Variants in TRIM3 observed in about 807,000 individuals in gnomAD.
TRIM3 encodes the protein tripartite motif-containing protein 3.
TRIM3 carries 13 observed loss-of-function variants against 66.6 expected under a neutral mutation model. The observed-to-expected ratio is 0.20, with a 90% CI of 0.13 to 0.31. TRIM3 has a LOEUF of 0.31. Among genes scored for constraint, TRIM3 ranks in the 10% least tolerant of loss-of-function variants. The probability of loss-of-function intolerance (pLI) is 1.00; values close to 1 mark genes in which losing one functional copy is unlikely to be tolerated. For synonymous variants in TRIM3, 406 were observed against 411.7 expected, an observed-to-expected ratio of 0.99 and a Z score of 0.17; for missense variants, 711 against 1,020.4, an observed-to-expected ratio of 0.70 and a Z score of 4.13.
rs959182811 is a variant in TRIM3, at chr11:6,453,918, G to A, written c.1533+2154C>T. On this transcript the variant is annotated intron_variant, in intron 7 of 11. Coordinates refer to ENST00000345851, the MANE Select transcript of TRIM3 (RefSeq NM_033278.4). ...GCCCATGCCAGCCCTAAGGACTCCA[G>A]AGTAAGAGAAGCAGAAATTCAACTT... is the stretch of plus-strand genomic sequence containing the variant. Among the ~76,000 whole-genome samples, 6 of 152,324 alleles carry A rather than the reference G, an allele frequency of 3.9e-5. 1 individual carries two copies. The highest frequency in any genetic ancestry group is 3.4e-3 in the Middle Eastern group (1 of 294).
chr11:6,457,126 G>A lies in TRIM3; in HGVS notation c.697-97C>T, dbSNP rs1850029404. Reference sequence around the variant, plus strand: ...AGCACTGTGGCATAAAATACAAGAGGGTGCCTGTGGACAGAGGACACAGAT... The same window carrying A: ...AGCACTGTGGCATAAAATACAAGAGAGTGCCTGTGGACAGAGGACACAGAT... On this transcript the variant is annotated intron_variant, in intron 5 of 11. Coordinates refer to ENST00000345851, the MANE Select transcript of TRIM3 (RefSeq NM_033278.4). The surrounding 1 kb of genome is among the most constrained non-coding windows in gnomAD (Gnocchi z 4.5). 1 of 1,527,758 alleles carries A rather than the reference G, an allele frequency of 6.5e-7. No homozygotes were observed. Among genetic ancestry groups the A allele is most frequent in the Admixed American group, 1.8e-5 (1 of 55,640 alleles). The allele number at this position is 1,527,758 out of a possible 1,614,324, so 94.6% of individuals were successfully genotyped here.
intron 1 of TRIM3, among the ~76,000 whole-genome samples, chr11:6,469,084 T>C (rs996645514): frequency 2.0e-5 from 3 of 152,136 alleles, no homozygotes; most frequent in African/African-American, 7.2e-5. Flanking sequence ...CAGGAAAACA[T>C]AGCAGGAGGG....
intron 7 of TRIM3, chr11:6,451,869 A>G: frequency 5.9e-6 from 1 of 170,466 alleles, no homozygotes. Flanking sequence ...AGAAGGAATT[A>G]TGTTTTATCC....
At position 6,458,574 on chromosome 11, in the gene TRIM3, C is replaced by T. The variant is rs546718494; in HGVS notation, c.132-278G>A. Among the ~76,000 whole-genome samples the T allele has an allele frequency of 1.1e-4, 16 of 152,182 alleles. No homozygotes were observed. The highest frequency in any genetic ancestry group is 2.0e-4 in the Admixed American group (3 of 15,276). On this transcript the variant is annotated intron_variant, in intron 2 of 11. Coordinates refer to ENST00000345851, the MANE Select transcript of TRIM3 (RefSeq NM_033278.4). The surrounding 1 kb of genome is among the most constrained non-coding windows in gnomAD (Gnocchi z 6.2). Reference sequence around the variant, plus strand: ...CACCTTTCACAGGTGTTTACAAATGCTTCTCATAGGAATGTGCAACTAGGC... The same window carrying T: ...CACCTTTCACAGGTGTTTACAAATGTTTCTCATAGGAATGTGCAACTAGGC...
chr11:6,472,739 T>A (rs1850738495), intron 1 of TRIM3, among the ~76,000 whole-genome samples: 1 of 152,124 alleles, frequency 6.6e-6, no homozygotes. Context: ...GACAAGTGAA[T>A]AAAGTCCCAA....
rs1482124041 is a variant in TRIM3, at chr11:6,457,640, G to C, written c.515+56C>G. ...AGACCCTTTATTCCCCTCCCCGCCCGAGCTAAGACACCATCCCTGTGGCCC... is the reference window on the plus strand; with the variant it reads ...AGACCCTTTATTCCCCTCCCCGCCCCAGCTAAGACACCATCCCTGTGGCCC... On this transcript the variant is annotated intron_variant, in intron 4 of 11. Coordinates refer to ENST00000345851, the MANE Select transcript of TRIM3 (RefSeq NM_033278.4). The surrounding 1 kb of genome is among the most constrained non-coding windows in gnomAD (Gnocchi z 4.5). The C allele has an allele frequency of 6.3e-7, 1 of 1,580,738 alleles. No homozygotes were observed. The highest frequency in any genetic ancestry group is 8.6e-7 in the Non-Finnish European group (1 of 1,160,194).
rs372693830 is a variant in TRIM3, at chr11:6,457,245, A to G, written c.696+51T>C. On this transcript the variant is annotated intron_variant, in intron 5 of 11. Transcript: ENST00000345851. The surrounding 1 kb of genome is among the most constrained non-coding windows in gnomAD (Gnocchi z 4.5). ...GGAAGACAGAGGAACAATGGAGGCAATAACACCATCACAATGGACGATGGT... is the reference window on the plus strand; with the variant it reads ...GGAAGACAGAGGAACAATGGAGGCAGTAACACCATCACAATGGACGATGGT... 5.6e-6 allele frequency: 9 copies of G among 1,597,332 alleles called. No homozygotes were observed. The highest frequency in any genetic ancestry group is 2.2e-5 in the East Asian group (1 of 44,722).
chr11:6,455,443 A>G (rs960762862), intron 7 of TRIM3, among the ~76,000 whole-genome samples: 2 of 152,160 alleles, frequency 1.3e-5, no homozygotes, highest in African/African-American at 4.8e-5. Flanking sequence ...AGAGGGAAAA[A>G]AAGGCACATT....
In TRIM3 at chr11:6,456,476, C is replaced by A; in HGVS notation, c.1250G>T (p.Arg417Leu). The change falls in exon 6 of 12, where the codon CGT becomes CTT. Residue 417 changes from arginine to leucine, a missense_variant. Transcript: ENST00000345851. This position sits in a 1 kb window ranked among gnomAD's most constrained non-coding sequence, Gnocchi z 6.4. Reference protein sequence around the residue: ...QPVRGSPFRVRALRPGDLPPS... With the variant: ...QPVRGSPFRVLALRPGDLPPS... ...TGGCAGGTCCCCCGGACGCAGGGCA[C>A]GCACGCGGAAGGGGCTGCCGCGCAC... 6.4e-7 allele frequency: 1 copy of A among 1,551,556 alleles called. No homozygotes were observed. The highest frequency in any genetic ancestry group is 1.2e-5 in the South Asian group (1 of 83,242).
chr11:6,467,276 A>G (rs141337426), intron 1 of TRIM3, among the ~76,000 whole-genome samples: 25 of 152,320 alleles, frequency 1.6e-4, no homozygotes, highest in African/African-American at 5.5e-4. Context: ...GGTATGGGTG[A>G]GGGTGAGAAA....
Position 6,450,376 on chromosome 11 carries a change from A to T in TRIM3, c.1941+175T>A. 1.6e-6 allele frequency: 1 copy of T among 622,736 alleles called. No individual in the cohort carries two copies. The highest frequency in any genetic ancestry group is 2.9e-6 in the Non-Finnish European group (1 of 348,828). 38.6% of individuals were successfully genotyped at this position (622,736 alleles called of 1,614,324 possible). On this transcript the variant is annotated intron_variant, in intron 10 of 11. Transcript: ENST00000345851. This position sits in a 1 kb window ranked among gnomAD's most constrained non-coding sequence, Gnocchi z 4.8. ...ATACATTTGCTTTGTGCATCACTGT[A>T]TCTCCAGCTTCTAGCATACTGCCTG...
chr11:6,471,090 T>C (rs1589841394), intron 1 of TRIM3, among the ~76,000 whole-genome samples: 1 of 152,196 alleles, frequency 6.6e-6, no homozygotes, highest in South Asian at 2.1e-4. Context: ...CTGACTCCAC[T>C]AGATCCTGGA....
At chr11:6,455,593 C>A (rs547644815) in intron 7 of TRIM3, among the ~76,000 whole-genome samples, 2 of 152,188 alleles carry the variant, frequency 1.3e-5, no homozygotes, top group South Asian at 4.2e-4. Flanking sequence ...TGAAAGATAC[C>A]CCCTTTGGCC....
At chr11:6,453,590 G>C (rs1005279831) in intron 7 of TRIM3, among the ~76,000 whole-genome samples, 1 of 152,244 alleles carries the variant, frequency 6.6e-6, no homozygotes, top group Non-Finnish European at 1.5e-5. Context: ...GCAAAAGGCT[G>C]AGGGAACTGA....
chr11:6,450,303 G>T lies in TRIM3; in HGVS notation c.1941+248C>A. ...CTATTACATCATATTGTAATTTTTT[G>T]GTTACCTTTTTCTCTTCCCTACTAG... On this transcript the variant is annotated intron_variant, in intron 10 of 11. Transcript: ENST00000345851. The surrounding 1 kb of genome is among the most constrained non-coding windows in gnomAD (Gnocchi z 4.8). The T allele has an allele frequency of 1.9e-6, 1 of 531,952 alleles. No individual in the cohort carries two copies. The highest frequency in any genetic ancestry group is 3.3e-6 in the Non-Finnish European group (1 of 298,634). The allele number at this position is 531,952 out of a possible 1,614,324, so 33.0% of individuals were successfully genotyped here.
At position 6,458,239 on chromosome 11, in the gene TRIM3, C is replaced by T. The variant is rs770797841; in HGVS notation, c.189G>A (p.Arg63=). ...QSLTLSCPVC[R]QTSILPEQGV... ...CCTGCTCTGGGAGGATGGACGTCTGCCGGCATACTGGACAGGATAGCGTCA... is the reference window on the plus strand; with the variant it reads ...CCTGCTCTGGGAGGATGGACGTCTGTCGGCATACTGGACAGGATAGCGTCA... Residue 63 remains arginine (R), a synonymous_variant, in exon 3 of 12, where the codon CGG becomes CGA. Coordinates refer to ENST00000345851, the MANE Select transcript of TRIM3 (RefSeq NM_033278.4). The surrounding 1 kb of genome is among the most constrained non-coding windows in gnomAD (Gnocchi z 6.2). 1.2e-6 allele frequency: 2 copies of T among 1,614,192 alleles called. No homozygotes were observed. The highest frequency in any genetic ancestry group is 3.3e-5 in the Admixed American group (2 of 60,028).
In TRIM3 at chr11:6,458,255, G is replaced by C. The variant is rs1446763642; in HGVS notation, c.173C>G (p.Ser58Cys). 3.1e-6 allele frequency: 5 copies of C among 1,614,188 alleles called. No homozygotes were observed. The highest frequency in any genetic ancestry group is 1.3e-5 in the African/African-American group (1 of 75,068). The change falls in exon 3 of 12, where the codon TCC becomes TGC. Residue 58 changes from serine (S) to cysteine (C), a missense_variant. Around this residue, in one of 3 missense-constraint regions of TRIM3, gnomAD observed 149 missense variants for 240.3 expected, o/e 0.62. Coordinates refer to ENST00000345851, the MANE Select transcript of TRIM3 (RefSeq NM_033278.4). This position sits in a 1 kb window ranked among gnomAD's most constrained non-coding sequence, Gnocchi z 6.2. ...GGACGTCTGCCGGCATACTGGACAG[G>C]ATAGCGTCAGGCTCTGGGCAGGGAT... ...NYIPAQSLTL[S>C]CPVCRQTSIL... is the part of the protein sequence containing the mutation.
Position 6,456,560 on chromosome 11 carries a change from A to G in TRIM3, c.1166T>C (p.Val389Ala). 3 of 1,612,526 alleles carry G rather than the reference A, an allele frequency of 1.9e-6. No homozygotes were observed. Among genetic ancestry groups the G allele is most frequent in the Middle Eastern group, 1.7e-4 (1 of 6,056 alleles). The change falls in exon 6 of 12, where the codon GTG becomes GCG. Residue 389 changes from valine (V) to alanine (A), a missense_variant. Coordinates refer to ENST00000345851, the MANE Select transcript of TRIM3 (RefSeq NM_033278.4). This position sits in a 1 kb window ranked among gnomAD's most constrained non-coding sequence, Gnocchi z 6.4. ...VDHKNGTYEL[V>A]YTARTEGELL... ...CTCGCCTTCCGTGCGCGCTGTGTAC[A>G]CTAGCTCATATGTGCCATTCTTGTG...
In TRIM3 at chr11:6,449,183, G is replaced by A; in HGVS notation, c.2083-3C>T. On this transcript the variant is annotated splice_polypyrimidine_tract_variant and splice_region_variant and intron_variant, in intron 11 of 11. Coordinates refer to ENST00000345851, the MANE Select transcript of TRIM3 (RefSeq NM_033278.4). The surrounding 1 kb of genome is among the most constrained non-coding windows in gnomAD (Gnocchi z 5.3). ...AAGGAGCCAGAGCTGTCGAATACCT[G>A]GGGAAGGAGTGCAGAAAGGAGGGAG... 3 of 1,613,878 alleles carry A rather than the reference G, an allele frequency of 1.9e-6. No homozygotes were observed. The highest frequency in any genetic ancestry group is 1.7e-6 in the Non-Finnish European group (2 of 1,179,754).
Sources: allele counts gnomAD v4.1 joint callset (sites outside exome capture counted in the v4.1 genomes callset), GRCh38; gene constraint gnomAD v4.1.1; regional missense constraint gnomAD v4.1.1; non-coding constraint Gnocchi (gnomAD v3.1); transcripts MANE v1.5; gene names NCBI Gene and HGNC (gene_info 2026-07-23, HGNC 2026-07-21).